Variants in CEP126 observed in about 807,000 individuals in gnomAD.
CEP126 encodes the protein centrosomal protein of 126 kDa.
CEP126 carries 74 observed loss-of-function variants against 107.8 expected under a neutral mutation model. That is an observed-to-expected ratio of 0.69 (90% confidence interval 0.57 to 0.83). The LOEUF (loss-of-function observed/expected upper bound fraction) is 0.83. Among genes scored for constraint, CEP126 ranks in the 40% least tolerant of loss-of-function variants. The pLI is 0.00. For synonymous variants in CEP126, 449 were observed against 446.0 expected (o/e 1.01, Z -0.08); for missense variants, 1,237 against 1,281.9 (o/e 0.96, Z 0.53).
At chr11:101,983,884 C>A (rs940335261) in intron 8 of CEP126, among the ~76,000 whole-genome samples, 1 of 152,194 alleles carries the variant, frequency 6.6e-6, no homozygotes, top group African/African-American at 2.4e-5. Flanking sequence ...GAATTTCTTA[C>A]CAGTCCATTA....
chr11:101,980,178 G>A (rs973523460), intron 7 of CEP126, among the ~76,000 whole-genome samples: 7 of 152,108 alleles, frequency 4.6e-5, no homozygotes, highest in African/African-American at 1.4e-4. Context: ...GCTTAATAGC[G>A]TAATGGTTAA....
intron 2 of CEP126, among the ~76,000 whole-genome samples, chr11:101,934,960 T>C (rs1256266099): frequency 2.6e-5 from 4 of 152,076 alleles, no homozygotes; most frequent in Non-Finnish European, 5.9e-5. Context: ...TGTTTAACCA[T>C]ATAAGAAGAT....
chr11:101,972,276 A>T (rs138747528), intron 6 of CEP126, among the ~76,000 whole-genome samples: 1,876 of 150,712 alleles, frequency 0.012, 35 homozygotes, highest in African/African-American at 0.042. Context: ...AATACAAAAA[A>T]TTAGCCGGGC....
At chr11:101,926,967 G>A (rs1026990973) in intron 2 of CEP126, among the ~76,000 whole-genome samples, 2 of 152,206 alleles carry the variant, frequency 1.3e-5, no homozygotes, top group East Asian at 1.9e-4. Context: ...GTGAGTTCTT[G>A]CATTGAGGAT....
Position 101,915,253 on chromosome 11 carries a change from GGGCGAGCAGACA to G in CEP126, c.-27_-16del. 6.2e-7 allele frequency: 1 copy of G among 1,611,936 alleles called. No homozygotes were observed. The highest frequency in any genetic ancestry group is 8.5e-7 in the Non-Finnish European group (1 of 1,179,244). On this transcript the variant is annotated 5_prime_UTR_variant, in exon 1 of 11. Transcript: ENST00000263468. Reference sequence around the variant, plus strand: ...GGAGCTGCCATGAGGGAGGTTCTGGGGGCGAGCAGACAGGCGGCGCTGAAGTGAAGGATGCTG... The same window carrying G: ...GGAGCTGCCATGAGGGAGGTTCTGGGGGCGGCGCTGAAGTGAAGGATGCTG...
At chr11:101,967,897 AG>A (rs551286803) in intron 6 of CEP126, among the ~76,000 whole-genome samples, 92 of 152,212 alleles carry the variant, frequency 6.0e-4, no homozygotes, top group Non-Finnish European at 9.7e-4. Flanking sequence ...GGCTACATAC[AG>A]GGCTGCCACA....
At position 101,963,545 on chromosome 11, in the gene CEP126, C is replaced by G; in HGVS notation, c.2510C>G (p.Ser837Cys). 6.2e-7 allele frequency: 1 copy of G among 1,614,098 alleles called. No homozygotes were observed. The highest frequency in any genetic ancestry group is 8.5e-7 in the Non-Finnish European group (1 of 1,180,008). The change falls in exon 6 of 11, where the codon TCT (serine) becomes TGT (cysteine). Residue 837 changes from serine (S) to cysteine (C), a missense_variant. Ser to Cys is a moderately radical substitution (Grantham distance 112). Around this residue, in one of 3 missense-constraint regions of CEP126, gnomAD observed 1,134 missense variants for 1,150.5 expected, o/e 0.99. Transcript: ENST00000263468. ...ENPQNIITHN[S>C]FNSKHVLPTE... ...CCTCAAAACATTATTACACATAACT[C>G]TTTTAATTCAAAACATGTGCTTCCA... is the stretch of plus-strand genomic sequence containing the variant.
intron 3 of CEP126, among the ~76,000 whole-genome samples, chr11:101,945,102 T>G (rs1246317625): frequency 2.0e-5 from 3 of 152,170 alleles, no homozygotes; most frequent in African/African-American, 7.2e-5. Context: ...GAGAGTGGTA[T>G]AAGCAATGTC....
rs1156825474 is a variant in CEP126 at position 101,940,657 on chromosome 11, A to G, written c.249-3608A>G. ...GACATCCAAGATGGTTTCTTCAGTC[A>G]CATGTCTTGTGCTAGGCTGAGAAGG... On this transcript the variant is annotated intron_variant, in intron 2 of 10. Transcript: ENST00000263468. Among the ~76,000 whole-genome samples, 3 of 152,224 alleles carry G rather than the reference A, an allele frequency of 2.0e-5. No homozygotes were observed. In the South Asian group the frequency reaches 6.2e-4, roughly 31 times the overall value.
chr11:101,929,349 T>G (rs1940458821), intron 2 of CEP126, among the ~76,000 whole-genome samples: 1 of 152,212 alleles, frequency 6.6e-6, no homozygotes, highest in African/African-American at 2.4e-5. Context: ...AACCTTAAAC[T>G]TTAGCTGATT....
Position 101,962,928 on chromosome 11 carries a change from G to A in CEP126, c.1893G>A (p.Arg631=), listed in dbSNP as rs1462642648. 1.2e-6 allele frequency: 2 copies of A among 1,609,696 alleles called. No homozygotes were observed. Among genetic ancestry groups the A allele is most frequent in the South Asian group, 1.1e-5 (1 of 89,656 alleles). Residue 631 remains arginine, a synonymous_variant, in exon 6 of 11, where the codon AGG becomes AGA. Coordinates refer to ENST00000263468, the MANE Select transcript of CEP126 (RefSeq NM_020802.4). ...TTCCAAAGACCATTAAAAAACTGAG[G>A]TGGTTTGATGAAACTAGCAATATAG... The part of the protein sequence containing the change: ...AEIPKTIKKL[R]WFDETSNIEN...
rs563053435 is a variant in CEP126, at chr11:101,988,386, T to C, written c.3244+1345T>C. ...AGTATATCTTAGAGAGACAAAGAGA[T>C]GGAAAATATGATATAGAGCTTAAAA... On this transcript the variant is annotated intron_variant, in intron 9 of 10. Coordinates refer to ENST00000263468, the MANE Select transcript of CEP126 (RefSeq NM_020802.4). Among the ~76,000 whole-genome samples the C allele has an allele frequency of 2.6e-5, 4 of 152,134 alleles. No individual in the cohort carries two copies. The South Asian group carries it at 8.3e-4, about 32-fold the overall frequency.
intron 5 of CEP126, among the ~76,000 whole-genome samples, chr11:101,959,392 A>G (rs1940944308): frequency 6.6e-6 from 1 of 152,058 alleles, no homozygotes; most frequent in Non-Finnish European, 1.5e-5. Context: ...TGACCCCATG[A>G]TCCGCCCGCC....
intron 10 of CEP126, 142 bp downstream of exon 10, chr11:101,992,984 T>G: frequency 2.6e-6 from 2 of 761,790 alleles, no homozygotes; most frequent in Non-Finnish European, 3.6e-6. Flanking sequence ...ACTGGCTTTT[T>G]ATTATAAGAC....
Position 101,978,398 on chromosome 11 carries a change from T to C in CEP126, c.2897T>C (p.Ile966Thr). 1 of 1,613,608 alleles carries C rather than the reference T, an allele frequency of 6.2e-7. No homozygotes were observed. Among genetic ancestry groups the C allele is most frequent in the Non-Finnish European group, 8.5e-7 (1 of 1,179,718 alleles). ...ATTGCTGAAACTAAGCGGAGAAATA[T>C]TTTAGAGCAGAAAAGACAAAACCCT... ...KRIAETKRRN[I>T]LEQKRQNPGS... The change falls in exon 7 of 11, where the codon ATT becomes ACT. Residue 966 changes from isoleucine to threonine, a missense_variant. Ile to Thr is a moderately conservative substitution (Grantham distance 89). Around this residue, in one of 3 missense-constraint regions of CEP126, gnomAD observed 1,134 missense variants for 1,150.5 expected, o/e 0.99. Coordinates refer to ENST00000263468, the MANE Select transcript of CEP126 (RefSeq NM_020802.4).
At position 101,963,649 on chromosome 11, in the gene CEP126, A is replaced by G. The variant is rs374335443; in HGVS notation, c.2614A>G (p.Ile872Val). The change falls in exon 6 of 11, where the codon ATA becomes GTA. Residue 872 changes from isoleucine to valine, a missense_variant. Ile to Val is a conservative substitution (Grantham distance 29). This residue lies in a region of CEP126 where 1,134 missense variants were observed against 1,150.5 expected (regional missense o/e 0.99). Coordinates refer to ENST00000263468, the MANE Select transcript of CEP126 (RefSeq NM_020802.4). ...TGCTTGTTCTGACCTAGTCACTGTG[A>G]TACCATCACTGCCATCATATTGTTC... The part of the protein sequence containing the change: ...SNACSDLVTV[I>V]PSLPSYCSSE... 8.7e-6 allele frequency: 14 copies of G among 1,614,154 alleles called. No homozygotes were observed. Among genetic ancestry groups the G allele is most frequent in the African/African-American group, 5.3e-5 (4 of 75,052 alleles).
intron 2 of CEP126, among the ~76,000 whole-genome samples, chr11:101,927,866 A>G (rs1022744622): frequency 3.9e-5 from 6 of 152,234 alleles, no homozygotes; most frequent in Admixed American, 3.9e-4. Context: ...AAACATTCAC[A>G]TACAGGTTTT....
intron 4 of CEP126, chr11:101,955,934 A>G (rs1364160192): frequency 2.8e-5 from 13 of 456,198 alleles, no homozygotes; most frequent in Non-Finnish European, 4.0e-5. Context: ...CCAGCCCCAT[A>G]TACTGCCTAT....
intron 10 of CEP126, among the ~76,000 whole-genome samples, chr11:101,996,251 C>G (rs1248264244): frequency 1.3e-5 from 2 of 152,298 alleles, no homozygotes; most frequent in Non-Finnish European, 2.9e-5. Context: ...GCAAGCTCCC[C>G]CTTCATAGTT....
Sources: allele counts gnomAD v4.1 joint callset (sites outside exome capture counted in the v4.1 genomes callset), GRCh38; gene constraint gnomAD v4.1.1; regional missense constraint gnomAD v4.1.1; transcripts MANE v1.5; gene names NCBI Gene and HGNC (gene_info 2026-07-23, HGNC 2026-07-21).